The following LDB2 variants were observed in gnomAD, a reference collection of about 807,000 sequenced individuals.
The protein encoded by LDB2 is LIM domain binding 2.
LDB2 carries 12 observed loss-of-function variants against 44.3 expected under a neutral mutation model. That is an observed-to-expected ratio of 0.27 (90% confidence interval 0.17 to 0.44). The LOEUF (loss-of-function observed/expected upper bound fraction) is 0.44. Among genes scored for constraint, LDB2 ranks in the 20% least tolerant of loss-of-function variants. The pLI is 1.00. For synonymous variants in LDB2, 164 were observed against 174.8 expected, an observed-to-expected ratio of 0.94 and a Z score of 0.49; for missense variants, 344 against 473.5, an observed-to-expected ratio of 0.73 and a Z score of 2.54.
chr4:16,857,469 C>T (rs1402328760), intron 1 of LDB2, among the ~76,000 whole-genome samples: 11 of 152,178 alleles, frequency 7.2e-5, no homozygotes, highest in Admixed American at 7.2e-4. Flanking sequence ...TAATTCAGAT[C>T]AAAAGCTCAA....
At chr4:16,549,723 G>T (rs888764839) in intron 5 of LDB2, among the ~76,000 whole-genome samples, 2 of 152,182 alleles carry the variant, frequency 1.3e-5, no homozygotes, top group Non-Finnish European at 2.9e-5. Context: ...CCCTGGAAAG[G>T]ATTAGAGAAG....
At chr4:16,717,955 A>G (rs1757438437) in intron 2 of LDB2, among the ~76,000 whole-genome samples, 1 of 152,142 alleles carries the variant, frequency 6.6e-6, no homozygotes, top group Admixed American at 6.6e-5. Flanking sequence ...CAGAAGCTCT[A>G]TTTTTCAATA....
intron 1 of LDB2, among the ~76,000 whole-genome samples, chr4:16,848,159 G>A (rs1414410835): frequency 6.6e-6 from 1 of 152,120 alleles, no homozygotes; most frequent in Non-Finnish European, 1.5e-5. Context: ...TATATTGAAA[G>A]TAGGGACAAA....
At chr4:16,662,250 C>G (rs1219335171) in intron 2 of LDB2, among the ~76,000 whole-genome samples, 2 of 152,162 alleles carry the variant, frequency 1.3e-5, no homozygotes, top group Non-Finnish European at 2.9e-5. Flanking sequence ...CTACCTTGCC[C>G]TGGGAATTGG....
chr4:16,872,891 CCA>C (rs1286504285), intron 1 of LDB2, among the ~76,000 whole-genome samples: 2 of 152,112 alleles, frequency 1.3e-5, no homozygotes, highest in East Asian at 3.9e-4. Flanking sequence ...AGCAAAAGAT[CCA>C]CTATATTCAA....
chr4:16,659,754 C>T (rs1214509902), intron 2 of LDB2, among the ~76,000 whole-genome samples: 2 of 150,256 alleles, frequency 1.3e-5, no homozygotes, highest in Non-Finnish European at 2.9e-5. Flanking sequence ...GAACAGATTT[C>T]CAAAGTTCAG....
At chr4:16,717,747 G>A (rs1407214512) in intron 2 of LDB2, among the ~76,000 whole-genome samples, 3 of 152,110 alleles carry the variant, frequency 2.0e-5, no homozygotes, top group East Asian at 1.9e-4. Flanking sequence ...TTGGTATTTC[G>A]CCCAAATTTC....
intron 1 of LDB2, among the ~76,000 whole-genome samples, chr4:16,895,142 A>T (rs1238148709): frequency 2.0e-5 from 3 of 151,774 alleles, no homozygotes; most frequent in South Asian, 2.1e-4. Context: ...AAAAAAGAAA[A>T]TCTGAATTTT....
intron 1 of LDB2, among the ~76,000 whole-genome samples, chr4:16,819,001 C>T (rs1382035228): frequency 6.6e-6 from 1 of 152,074 alleles, no homozygotes; most frequent in African/African-American, 2.4e-5. Context: ...GCAAAGCCAA[C>T]ATTTTTTAAA....
At position 16,898,519 on chromosome 4, in the gene LDB2, G is replaced by A. The variant is rs1276231893; in HGVS notation, c.-34C>T. 10 of 1,611,184 alleles carry A rather than the reference G, an allele frequency of 6.2e-6. No individual in the cohort carries two copies. The South Asian group carries it at 9.9e-5, about 16-fold the overall frequency. On this transcript the variant is annotated 5_prime_UTR_variant, in exon 1 of 8. Transcript: ENST00000304523. Reference sequence around the variant, plus strand: ...CTTTTCGAAAATCAAGCTAAACAGAGTATCAGTAACGTCCATGCAGAGCAC... The same window carrying A: ...CTTTTCGAAAATCAAGCTAAACAGAATATCAGTAACGTCCATGCAGAGCAC...
intron 2 of LDB2, among the ~76,000 whole-genome samples, chr4:16,715,554 G>A (rs1047613776): frequency 3.3e-5 from 5 of 152,198 alleles, no homozygotes; most frequent in Admixed American, 1.3e-4. Context: ...AAGGATCAGA[G>A]ATATGAAACA....
chr4:16,763,632 A>G (rs1229806937), intron 1 of LDB2, among the ~76,000 whole-genome samples: 2 of 152,200 alleles, frequency 1.3e-5, no homozygotes, highest in African/African-American at 4.8e-5. Context: ...GAAAGAGCAC[A>G]TGTTTGAGGG....
intron 2 of LDB2, among the ~76,000 whole-genome samples, chr4:16,604,205 A>G (rs1723308537): frequency 6.6e-6 from 1 of 152,168 alleles, no homozygotes; most frequent in African/African-American, 2.4e-5. Context: ...TTGGATACTT[A>G]ACATTTCTTA....
chr4:16,835,955 G>C (rs1031603290), intron 1 of LDB2, among the ~76,000 whole-genome samples: 1 of 152,194 alleles, frequency 6.6e-6, no homozygotes, highest in Non-Finnish European at 1.5e-5. Flanking sequence ...TTCAGGAATG[G>C]TGGGGTACAA....
At chr4:16,666,302 C>T (rs1317559617) in intron 2 of LDB2, among the ~76,000 whole-genome samples, 2 of 152,146 alleles carry the variant, frequency 1.3e-5, no homozygotes, top group East Asian at 3.9e-4. Flanking sequence ...GAGTTGAAGC[C>T]TCGCCAAGCT....
At chr4:16,795,965 C>T (rs927238129) in intron 1 of LDB2, among the ~76,000 whole-genome samples, 4 of 152,008 alleles carry the variant, frequency 2.6e-5, no homozygotes, top group Non-Finnish European at 5.9e-5. Flanking sequence ...AGGAGGTCCC[C>T]GAAGTCAAAG....
intron 2 of LDB2, among the ~76,000 whole-genome samples, chr4:16,755,975 C>T (rs923076057): frequency 6.6e-6 from 1 of 152,200 alleles, no homozygotes; most frequent in African/African-American, 2.4e-5. Flanking sequence ...AATCATATCT[C>T]ACCTGGGCGG....
At chr4:16,767,090 A>G (rs1288849928) in intron 1 of LDB2, among the ~76,000 whole-genome samples, 1 of 152,136 alleles carries the variant, frequency 6.6e-6, no homozygotes, top group Non-Finnish European at 1.5e-5. Context: ...GTACTTTCAT[A>G]TTAAAAGCAT....
chr4:16,835,156 G>T (rs1422378854), intron 1 of LDB2, among the ~76,000 whole-genome samples: 2 of 152,150 alleles, frequency 1.3e-5, no homozygotes, highest in East Asian at 3.9e-4. Context: ...TAATATTTAT[G>T]TGGCATAAAA....
Sources: gnomAD v4.1 joint callset for allele counts (sites outside exome capture counted in the v4.1 genomes callset) on GRCh38, gnomAD v4.1.1 for gene constraint, MANE v1.5 for transcripts, NCBI Gene and HGNC (gene_info 2026-07-23, HGNC 2026-07-21) for gene names.